ITCH: variants seen among roughly 807,000 people sequenced by gnomAD.
ITCH encodes the protein itchy E3 ubiquitin protein ligase.
In ITCH, 28 loss-of-function variants were observed where a neutral mutation model predicts 126.8. The ratio of observed to expected loss-of-function variants is 0.22; its 90% CI spans 0.16 to 0.30. The LOEUF (loss-of-function observed/expected upper bound fraction) is 0.30. Ranked by LOEUF, ITCH falls within the 10% of genes least tolerant of loss-of-function variation. The pLI, the probability that ITCH is intolerant of heterozygous loss-of-function variation, is 1.00. For synonymous variants in ITCH, 342 were observed against 340.0 expected (o/e 1.01, Z -0.06); for missense variants, 631 against 1,032.4 (o/e 0.61, Z 5.33).
intron 2 of ITCH, among the ~76,000 whole-genome samples, chr20:34,371,279 CTTTTTTTTTT>C (rs770951963): frequency 3.4e-5 from 4 of 118,456 alleles, no homozygotes; most frequent in African/African-American, 1.4e-4. Flanking sequence ...ATCACTTCTT[CTTTTTTTTTT>C]TTTTTTTTTT....
At chr20:34,458,283 A>G (rs905407840) in intron 13 of ITCH, among the ~76,000 whole-genome samples, 2 of 152,142 alleles carry the variant, frequency 1.3e-5, no homozygotes, top group African/African-American at 2.4e-5. Flanking sequence ...AGATATCTCT[A>G]AATACTTGTT....
chr20:34,453,672 A>C (rs1055826046), intron 12 of ITCH, among the ~76,000 whole-genome samples: 4 of 152,280 alleles, frequency 2.6e-5, no homozygotes, highest in South Asian at 2.1e-4. Flanking sequence ...GGTTATAAAA[A>C]TTATTTGGAT....
rs910069528 is a variant in ITCH at position 34,430,840 on chromosome 20, G to T, written c.521+6315G>T. On this transcript the variant is annotated intron_variant, in intron 7 of 24. Coordinates refer to ENST00000374864, the MANE Select transcript of ITCH (RefSeq NM_031483.7). ...TGTAGGAAAAAATATTTTGACAGTGGTATATAGTTTGGATTATGTGGTGGT... is the reference window on the plus strand; with the variant it reads ...TGTAGGAAAAAATATTTTGACAGTGTTATATAGTTTGGATTATGTGGTGGT... 3.3e-5 allele frequency among the ~76,000 whole-genome samples: 5 copies of T among 152,300 alleles called. 1 individual carries two copies. In the South Asian group the frequency reaches 6.2e-4, roughly 19 times the overall value.
At chr20:34,488,668 G>A (rs1274686563) in intron 20 of ITCH, among the ~76,000 whole-genome samples, 1 of 152,016 alleles carries the variant, frequency 6.6e-6, no homozygotes, top group Non-Finnish European at 1.5e-5. Context: ...AGCCCAGATT[G>A]TATCATTGCA....
In ITCH at chr20:34,402,569, G is replaced by A. The variant is rs925525554; in HGVS notation, c.71-6082G>A. ...GTATCAAAAAGTCCAAGAGTATATG[G>A]TTCTCTACCAGTCATAATTGTTATT... On this transcript the variant is annotated intron_variant, in intron 3 of 24. Coordinates refer to ENST00000374864, the MANE Select transcript of ITCH (RefSeq NM_031483.7). 2.4e-5 allele frequency: 17 copies of A among 711,292 alleles called. No homozygotes were observed. The African/African-American group carries it at 2.6e-4, about 11-fold the overall frequency. 44.1% of individuals were successfully genotyped at this position (711,292 alleles called of 1,614,324 possible). A position where few individuals can be genotyped will look rare whatever the true frequency, so the allele number is the denominator to read the frequency against.
intron 23 of ITCH, among the ~76,000 whole-genome samples, chr20:34,496,816 AAAAAAG>A (rs1325676987): frequency 6.6e-6 from 1 of 151,784 alleles, no homozygotes; most frequent in Non-Finnish European, 1.5e-5. Context: ...AAAAAAAAAA[AAAAAAG>A]AAAAGAGAAA....
At chr20:34,458,523 AG>A (rs1286230736) in intron 13 of ITCH, among the ~76,000 whole-genome samples, 1 of 152,192 alleles carries the variant, frequency 6.6e-6, no homozygotes, top group African/African-American at 2.4e-5. Flanking sequence ...TTAGTTTGCT[AG>A]GGCGCCTTAA....
intron 2 of ITCH, among the ~76,000 whole-genome samples, chr20:34,377,373 C>G (rs555633576): frequency 6.6e-6 from 1 of 151,942 alleles, no homozygotes; most frequent in East Asian, 1.9e-4. Context: ...GACCCTGTCT[C>G]AAAAAGAAAA....
chr20:34,423,592 C>T (rs911870535), intron 6 of ITCH, among the ~76,000 whole-genome samples: 1 of 152,056 alleles, frequency 6.6e-6, no homozygotes, highest in Non-Finnish European at 1.5e-5. Flanking sequence ...ACCTTTAGCA[C>T]CCTCCCTCCA....
chr20:34,461,557 A>C (rs1986501935), intron 13 of ITCH, among the ~76,000 whole-genome samples: 2 of 152,030 alleles, frequency 1.3e-5, no homozygotes, highest in Non-Finnish European at 1.5e-5. Flanking sequence ...AAAAATACAA[A>C]AATTAGCTGG....
At chr20:34,401,540 G>A (rs1338455093) in intron 3 of ITCH, 9 of 475,046 alleles carry the variant, frequency 1.9e-5, no homozygotes, top group African/African-American at 4.2e-5. Context: ...CTCAAGGGTG[G>A]AGTAAAAAGG....
chr20:34,456,643 A>AAT (rs1370368474), intron 12 of ITCH, among the ~76,000 whole-genome samples: 111 of 143,606 alleles, frequency 7.7e-4, no homozygotes, highest in Admixed American at 1.5e-3. Flanking sequence ...CAAAAAAAAA[A>AAT]ATATATATAT....
intron 3 of ITCH, among the ~76,000 whole-genome samples, chr20:34,407,777 C>A (rs1196934541): frequency 6.6e-6 from 1 of 152,174 alleles, no homozygotes; most frequent in Non-Finnish European, 1.5e-5. Context: ...CAAAGGCCTT[C>A]CTTACTACCA....
chr20:34,401,788 C>T (rs2038895597), intron 3 of ITCH: 2 of 214,868 alleles, frequency 9.3e-6, no homozygotes, highest in Non-Finnish European at 1.6e-5. Flanking sequence ...ACTAAGATGT[C>T]CCAGAGTGGA....
At chr20:34,389,664 A>G (rs139388685) in intron 2 of ITCH, among the ~76,000 whole-genome samples, 265 of 152,322 alleles carry the variant, frequency 1.7e-3, no homozygotes, top group African/African-American at 5.9e-3. Context: ...GTAGATCCCT[A>G]CAACCACTAG....
At chr20:34,440,403 T>C in intron 9 of ITCH, 59 bp downstream of exon 9, 2 of 1,242,722 alleles carry the variant, frequency 1.6e-6, no homozygotes, top group Non-Finnish European at 1.2e-6. Context: ...AGCCTACTTA[T>C]TAATAAGGAA....
intron 22 of ITCH, among the ~76,000 whole-genome samples, chr20:34,490,856 C>CA (rs1197555781): frequency 6.6e-6 from 1 of 152,168 alleles, no homozygotes. Context: ...AAATTGAAAG[C>CA]AGAGACTTAA....
intron 7 of ITCH, among the ~76,000 whole-genome samples, chr20:34,425,085 G>A (rs1383895921): frequency 6.6e-6 from 1 of 152,226 alleles, no homozygotes; most frequent in Admixed American, 6.5e-5. Flanking sequence ...TCTGTACTAA[G>A]AAAAATTGTT....
At chr20:34,396,159 G>A (rs376552367) in intron 3 of ITCH, among the ~76,000 whole-genome samples, 17 of 151,148 alleles carry the variant, frequency 1.1e-4, no homozygotes, top group African/African-American at 3.6e-4. Context: ...TCAGTCTTCT[G>A]AGTAGCTGGG....
Sources: allele counts gnomAD v4.1 joint callset (sites outside exome capture counted in the v4.1 genomes callset), GRCh38; gene constraint gnomAD v4.1.1; transcripts MANE v1.5; gene names NCBI Gene and HGNC (gene_info 2026-07-23, HGNC 2026-07-21).